Variants in KARS1 observed in about 807,000 individuals in gnomAD.
KARS1 encodes lysine--tRNA ligase.
Under a neutral mutation model 63.9 loss-of-function variants are expected in KARS1, and 50 were observed. That is an observed-to-expected ratio of 0.78 (90% CI 0.62 to 0.99). KARS1 has a LOEUF of 0.99. KARS1 is among the 50% of genes least tolerant of loss of function. The pLI is 0.00. For missense variants in KARS1, 816 were observed against 754.5 expected (o/e 1.08, Z -0.95); for synonymous variants, 320 against 264.6 (o/e 1.21, Z -2.03).
At position 75,634,301 on chromosome 16, in the gene KARS1, G is replaced by A. The variant is rs1324906223; in HGVS notation, c.796-9C>T. The A allele has an allele frequency of 6.2e-7, 1 of 1,613,726 alleles. No individual in the cohort carries two copies. The highest frequency in any genetic ancestry group is 1.1e-5 in the South Asian group (1 of 91,068). ...ATCATGGGAGTTTCAATCTAAAAAA[G>A]GCAGGGAGAAACATCAGTCCTTAGA... On this transcript the variant is annotated splice_polypyrimidine_tract_variant and intron_variant, in intron 6 of 13. Coordinates refer to ENST00000302445, the MANE Select transcript of KARS1 (RefSeq NM_005548.3).
chr16:75,644,310 T>C (rs765957081), intron 1 of KARS1: 2 of 1,606,042 alleles, frequency 1.2e-6, no homozygotes, highest in Admixed American at 1.7e-5. Context: ...TGACTTGTCC[T>C]TGTGAGGCGC....
chr16:75,636,390 C>A, intron 4 of KARS1, 64 bp downstream of exon 4: 3 of 1,009,778 alleles, frequency 3.0e-6, no homozygotes, highest in South Asian at 1.3e-5. Flanking sequence ...AAGACCACAT[C>A]AGCCTATTGC....
At position 75,630,465 on chromosome 16, in the gene KARS1, A is replaced by C. The variant is rs1436436059; in HGVS notation, c.1382T>G (p.Phe461Cys). ...CATTATCTGTGGGTGATCACAGATG[A>C]ATGTAGGATTGATGCAAGTCACTTC... ...FLEVTCINPT[F>C]ICDHPQIMSP... The change falls in exon 11 of 14, where the codon TTC becomes TGC. Residue 461 changes from phenylalanine to cysteine, a missense_variant. Phe to Cys is a radical substitution (Grantham distance 205). Coordinates refer to ENST00000302445, the MANE Select transcript of KARS1 (RefSeq NM_005548.3). 6 of 1,612,384 alleles carry C rather than the reference A, an allele frequency of 3.7e-6. No individual in the cohort carries two copies. The highest frequency in any genetic ancestry group is 4.2e-6 in the Non-Finnish European group (5 of 1,178,852).
intron 1 of KARS1, chr16:75,644,558 C>G (rs2082260605): frequency 1.2e-6 from 1 of 803,610 alleles, no homozygotes; most frequent in Non-Finnish European, 1.9e-6. Context: ...GACCATGCTT[C>G]TACTACCTTT....
rs749384877 is a variant in KARS1, at chr16:75,644,268, G to A, written c.63-2545C>T. On this transcript the variant is annotated intron_variant, in intron 1 of 13. Transcript: ENST00000302445. ...TTTTGCTTCCAGAGCAATAAAGAAGGTAATGGGCACCAACCTTCTTTGATC... is the reference window on the plus strand; with the variant it reads ...TTTTGCTTCCAGAGCAATAAAGAAGATAATGGGCACCAACCTTCTTTGATC... The A allele has an allele frequency of 1.3e-5, 20 of 1,587,316 alleles. No homozygotes were observed. In the Admixed American group the frequency reaches 2.2e-4, roughly 17 times the overall value.
Position 75,634,231 on chromosome 16 carries a change from T to C in KARS1, c.857A>G (p.Tyr286Cys), listed in dbSNP as rs2082140228. Residue 286 changes from tyrosine (Y) to cysteine (C), a missense_variant, in exon 7 of 14, where the codon TAT becomes TGT. Physicochemically the swap from Tyr to Cys is radical, Grantham distance 194. Coordinates refer to ENST00000302445, the MANE Select transcript of KARS1 (RefSeq NM_005548.3). ...TAAGTTCATGTCCAGCTCGTTGTGATAAGTGATGAAAGGCTTGGCCACGGC... is the reference window on the plus strand; with the variant it reads ...TAAGTTCATGTCCAGCTCGTTGTGACAAGTGATGAAAGGCTTGGCCACGGC... Reference protein sequence around the residue: ...GGAVAKPFITYHNELDMNLYM... With the variant: ...GGAVAKPFITCHNELDMNLYM... 1.2e-6 allele frequency: 2 copies of C among 1,614,096 alleles called. No homozygotes were observed. Among genetic ancestry groups the C allele is most frequent in the East Asian group, 2.2e-5 (1 of 44,888 alleles).
chr16:75,631,229 A>G lies in KARS1; in HGVS notation c.1277T>C (p.Ile426Thr), dbSNP rs771325159. The G allele has an allele frequency of 1.2e-6, 2 of 1,614,122 alleles. No individual in the cohort carries two copies. Among genetic ancestry groups the G allele is most frequent in the East Asian group, 2.2e-5 (1 of 44,872 alleles). The stretch of plus-strand genomic sequence containing the variant: ...GCATTCAACAGCTTTTGCCACACAG[A>G]TATCATCAAGAATTTTGCGAGTTTC... ...TEETRKILDD[I>T]CVAKAVECPP... Residue 426 changes from isoleucine (I) to threonine (T), a missense_variant, in exon 10 of 14, where the codon ATC becomes ACC. By Grantham distance (89) the Ile-to-Thr change is moderately conservative. Transcript: ENST00000302445.
At chr16:75,641,419 C>A in intron 2 of KARS1, 145 bp downstream of exon 2, 1 of 682,882 alleles carries the variant, frequency 1.5e-6, no homozygotes, top group South Asian at 1.7e-5. Context: ...TGCCTTTAAC[C>A]AGATGCAGTG....
intron 1 of KARS1, among the ~76,000 whole-genome samples, chr16:75,645,649 C>T (rs182536286): frequency 1.3e-5 from 2 of 152,046 alleles, no homozygotes. Flanking sequence ...CAGTTTGACG[C>T]CAGCCTGGGC....
rs1176443143 is a variant in KARS1, at chr16:75,647,632, G to A, written c.8C>T (p.Ala3Val). 13 of 1,613,894 alleles carry A rather than the reference G, an allele frequency of 8.1e-6. No individual in the cohort carries two copies. The highest frequency in any genetic ancestry group is 9.3e-6 in the Non-Finnish European group (11 of 1,179,886). ...CACTTTCACCTCGGCCGCCTGCACGGCCGCCATCTTCCCGGAGGGCCCGAC... is the reference window on the plus strand; with the variant it reads ...CACTTTCACCTCGGCCGCCTGCACGACCGCCATCTTCCCGGAGGGCCCGAC... MA[A>V]VQAAEVKVDG... Residue 3 changes from alanine to valine, a missense_variant, in exon 1 of 14, where the codon GCC (alanine) becomes GTC (valine). Ala to Val is a moderately conservative substitution (Grantham distance 64). Transcript: ENST00000302445.
intron 1 of KARS1, chr16:75,642,743 G>T (rs753616498): frequency 6.6e-6 from 1 of 152,120 alleles, no homozygotes; most frequent in Non-Finnish European, 1.5e-5. Flanking sequence ...TAGTACAGGG[G>T]GTAATATACC....
chr16:75,647,440 C>T, intron 1 of KARS1, 138 bp downstream of exon 1: 1 of 829,910 alleles, frequency 1.2e-6, no homozygotes, highest in Non-Finnish European at 2.0e-6. Flanking sequence ...AGGGCGCAGC[C>T]ACCACGTCTC....
Position 75,641,594 on chromosome 16 carries a change from C to T in KARS1, c.192G>A (p.Val64=), listed in dbSNP as rs758899774. The T allele has an allele frequency of 2.5e-6, 4 of 1,613,888 alleles. No homozygotes were observed. The African/African-American group carries it at 4.0e-5, about 16-fold the overall frequency. Residue 64 remains valine, a synonymous_variant, in exon 2 of 14, where the codon GTG becomes GTA. Transcript: ENST00000302445. ...GGTCCACGCTCTCTTCCTCAGGACC[C>T]ACACCATTATCAGTGGTGTGGTTGG... is the stretch of plus-strand genomic sequence containing the variant. ...AATNHTTDNG[V]GPEEESVDPN...
intron 3 of KARS1, among the ~76,000 whole-genome samples, chr16:75,637,048 A>C (rs866922795): frequency 6.6e-6 from 1 of 151,950 alleles, no homozygotes; most frequent in Non-Finnish European, 1.5e-5. Flanking sequence ...TGTCCATTCA[A>C]ACCAGTTAAA....
intron 1 of KARS1, among the ~76,000 whole-genome samples, chr16:75,645,601 C>T (rs567961167): frequency 6.6e-6 from 1 of 152,228 alleles, no homozygotes; most frequent in South Asian, 2.1e-4. Context: ...AATCCTAGCG[C>T]TTTGTGGGGT....
chr16:75,634,114 C>G (rs1361243324), intron 7 of KARS1, 59 bp downstream of exon 7: 2 of 1,573,110 alleles, frequency 1.3e-6, no homozygotes, highest in Non-Finnish European at 1.7e-6. Context: ...ACCCATCTAG[C>G]CAGTGGTATT....
Position 75,636,040 on chromosome 16 carries a change from T to C in KARS1, c.541A>G (p.Ile181Val). ...HINNKLRRGD[I>V]IGVQGNPGKT... is the part of the protein sequence containing the mutation. ...CCAGGATTCCCCTGAACTCCAATTA[T>C]GTCTCCCCGACGCAGTTTGTTATTA... is the stretch of plus-strand genomic sequence containing the variant. The change falls in exon 5 of 14, where the codon ATA (isoleucine) becomes GTA (valine). Residue 181 changes from isoleucine (I) to valine (V), a missense_variant. Physicochemically the swap from Ile to Val is conservative, Grantham distance 29. Coordinates refer to ENST00000302445, the MANE Select transcript of KARS1 (RefSeq NM_005548.3). 1 of 1,610,016 alleles carries C rather than the reference T, an allele frequency of 6.2e-7. No individual in the cohort carries two copies. The highest frequency in any genetic ancestry group is 1.1e-5 in the South Asian group (1 of 90,990).
intron 1 of KARS1, among the ~76,000 whole-genome samples, chr16:75,643,700 A>C (rs955084794): frequency 3.9e-5 from 6 of 152,220 alleles, no homozygotes; most frequent in African/African-American, 1.4e-4. Flanking sequence ...CTTGTAAAAA[A>C]GAAAAACAGA....
intron 2 of KARS1, 152 bp downstream of exon 2, chr16:75,641,412 C>T (rs2082222060): frequency 8.9e-6 from 6 of 671,182 alleles, no homozygotes; most frequent in Non-Finnish European, 1.6e-5. Context: ...GGGTCTGTGC[C>T]TTTAACCAGA....
Sources: allele counts gnomAD v4.1 joint callset (sites outside exome capture counted in the v4.1 genomes callset), GRCh38; gene constraint gnomAD v4.1.1; transcripts MANE v1.5; gene names NCBI Gene and HGNC (gene_info 2026-07-23, HGNC 2026-07-21).